Variants in CSAD observed in about 807,000 individuals in gnomAD.
CSAD encodes cysteine sulfinic acid decarboxylase, also known as P-selectin cytoplasmic tail-associated protein.
In CSAD, 47 loss-of-function variants were observed where a neutral mutation model predicts 61.5. That is an observed-to-expected ratio of 0.76 (90% CI 0.60 to 0.97). CSAD has a LOEUF of 0.97. Among genes scored for constraint, CSAD ranks in the 50% least tolerant of loss-of-function variants. The pLI is 0.00. For synonymous variants in CSAD, 245 were observed against 252.7 expected (o/e 0.97, Z 0.29); for missense variants, 611 against 643.6 (o/e 0.95, Z 0.55).
At chr12:53,180,980 G>T, upstream of CSAD, 1 of 772,952 alleles carries the variant, frequency 1.3e-6, no homozygotes, top group Non-Finnish European at 1.6e-6. Flanking sequence ...CTCCGGGGGA[G>T]GGAGGGGAAA....
chr12:53,160,671 T>A, intron 13 of CSAD, 92 bp downstream of exon 13: 1 of 1,124,438 alleles, frequency 8.9e-7, no homozygotes, highest in Non-Finnish European at 1.3e-6. Flanking sequence ...GTAAAGAGAA[T>A]AGAGAAAGGC....
chr12:53,181,207 C>T, upstream of CSAD: 1 of 985,450 alleles, frequency 1.0e-6, no homozygotes, highest in Non-Finnish European at 1.2e-6. Context: ...TCCTCCACCT[C>T]CGCAGCAAGT....
intron 9 of CSAD, 141 bp from the exon 10 acceptor site, chr12:53,170,267 G>T: frequency 1.0e-6 from 1 of 978,096 alleles, no homozygotes; most frequent in Non-Finnish European, 1.6e-6. Flanking sequence ...GGTGGGAGAC[G>T]CTGGCAGGCT....
In CSAD at chr12:53,174,881, C is replaced by G. The variant is rs80306798; in HGVS notation, c.-49-1111G>C. 2.6e-4 allele frequency among the ~76,000 whole-genome samples: 39 copies of G among 152,270 alleles called. No homozygotes were observed. In the East Asian group the frequency reaches 6.6e-3, roughly 26 times the overall value. On this transcript the variant is annotated intron_variant, in intron 2 of 16. Coordinates refer to ENST00000444623, the MANE Select transcript of CSAD (RefSeq NM_001244705.2). ...GGCTCAAGGAATGTCCCTTGCACAT[C>G]ATGTGGTTTCCCAACTCCTCAATCC...
intron 2 of CSAD, chr12:53,178,299 C>A: frequency 2.2e-6 from 1 of 450,592 alleles, no homozygotes; most frequent in East Asian, 7.0e-5. Context: ...ATGGCAAAAC[C>A]CTGTCTCTAC....
chr12:53,171,827 G>C lies in CSAD; in HGVS notation c.451+55C>G, dbSNP rs776854374. ...CAGACACTAGAGCAAGAGAACGGTG[G>C]GGGAGGAGGAACTCATAAAAAGGGC... On this transcript the variant is annotated intron_variant, in intron 7 of 16. Transcript: ENST00000444623. The C allele has an allele frequency of 4.4e-6, 5 of 1,129,860 alleles. No individual in the cohort carries two copies. The East Asian group carries it at 7.1e-5, about 16-fold the overall frequency. 70.0% of individuals were successfully genotyped at this position (1,129,860 alleles called of 1,614,324 possible). A position where few individuals can be genotyped will look rare whatever the true frequency, so the allele number is the denominator to read the frequency against.
chr12:53,161,698 A>G (rs1939299745), intron 10 of CSAD, among the ~76,000 whole-genome samples: 1 of 152,188 alleles, frequency 6.6e-6, no homozygotes, highest in Non-Finnish European at 1.5e-5. Context: ...AGTGGCTCAC[A>G]CCTATAATCT....
At chr12:53,173,856 T>C (rs2121514944) in intron 2 of CSAD, 86 bp from the exon 3 acceptor site, 1 of 1,367,762 alleles carries the variant, frequency 7.3e-7, no homozygotes, top group Admixed American at 2.0e-5. Flanking sequence ...ACAAAGTTGT[T>C]GCAACCATCA....
chr12:53,166,855 G>A (rs1940003314), intron 10 of CSAD, among the ~76,000 whole-genome samples: 1 of 152,110 alleles, frequency 6.6e-6, no homozygotes, highest in African/African-American at 2.4e-5. Flanking sequence ...GAGACTGGTT[G>A]CAAAACAATG....
intron 10 of CSAD, among the ~76,000 whole-genome samples, chr12:53,167,937 G>C (rs1940114253): frequency 6.6e-6 from 1 of 152,164 alleles, no homozygotes; most frequent in Non-Finnish European, 1.5e-5. Context: ...AATGTTCATA[G>C]CAGCATTATG....
At chr12:53,159,764 T>C in intron 15 of CSAD, 52 bp from the exon 16 acceptor site, 1 of 1,539,824 alleles carries the variant, frequency 6.5e-7, no homozygotes, top group Non-Finnish European at 8.9e-7. Flanking sequence ...GGGACCGTTT[T>C]CCCTCTCCCT....
chr12:53,179,939 T>C, intron 1 of CSAD: 2 of 1,586,090 alleles, frequency 1.3e-6, no homozygotes, highest in Non-Finnish European at 1.7e-6. Context: ...GAGCCAGGAC[T>C]CCCATAAGAC....
chr12:53,178,085 A>C (rs1220137800), intron 2 of CSAD, among the ~76,000 whole-genome samples: 3 of 152,268 alleles, frequency 2.0e-5, no homozygotes, highest in African/African-American at 4.8e-5. Flanking sequence ...AACATTGCCA[A>C]AGTTGTAGGA....
intron 14 of CSAD, 37 bp from the exon 15 acceptor site, chr12:53,159,975 A>G (rs1378153921): frequency 7.5e-6 from 12 of 1,602,064 alleles, no homozygotes; most frequent in East Asian, 6.7e-5. Context: ...GGCGGGGAGG[A>G]AAAGCAGAGA....
intron 3 of CSAD, 103 bp from the exon 4 acceptor site, chr12:53,173,579 A>AG: frequency 6.3e-7 from 1 of 1,596,158 alleles, no homozygotes; most frequent in Non-Finnish European, 8.6e-7. Context: ...CAAACCCTGC[A>AG]GCTCAGTCTC....
At chr12:53,170,295 C>G (rs775875607) in intron 9 of CSAD, 128 bp downstream of exon 9, 27 of 993,698 alleles carry the variant, frequency 2.7e-5, no homozygotes, top group Admixed American at 5.8e-5. Context: ...ACAGGAACAG[C>G]AATTCTACTG....
chr12:53,169,802 A>G (rs552993000), intron 10 of CSAD, among the ~76,000 whole-genome samples: 1 of 152,056 alleles, frequency 6.6e-6, no homozygotes, highest in African/African-American at 2.4e-5. Context: ...ACTACAGCGC[A>G]GGCCCCCAGC....
At chr12:53,160,092 G>A (rs370729545) in intron 14 of CSAD, 28 bp downstream of exon 14, 7 of 1,611,468 alleles carry the variant, frequency 4.3e-6, no homozygotes, top group Non-Finnish European at 5.9e-6. Context: ...AGGGGAACAG[G>A]GACGACCCCC....
rs1371020426 is a variant in CSAD at position 53,180,791 on chromosome 12, G to A, written c.-150C>T. Reference sequence around the variant, plus strand: ...TTGGCAGGGTGTGCTGGGGCCTGGAGGAGGCGCCGCGCGGCCAGGGAGCCA... The same window carrying A: ...TTGGCAGGGTGTGCTGGGGCCTGGAAGAGGCGCCGCGCGGCCAGGGAGCCA... On this transcript the variant is annotated 5_prime_UTR_variant, in exon 1 of 17. Transcript: ENST00000444623. 2.4e-6 allele frequency: 3 copies of A among 1,273,122 alleles called. No individual in the cohort carries two copies. The highest frequency in any genetic ancestry group is 3.2e-5 in the African/African-American group (2 of 63,470). The allele number at this position is 1,273,122 out of a possible 1,614,324, so 78.9% of individuals were successfully genotyped here.
Sources: gnomAD v4.1 joint callset for allele counts (sites outside exome capture counted in the v4.1 genomes callset) on GRCh38, gnomAD v4.1.1 for gene constraint, MANE v1.5 for transcripts, NCBI Gene and HGNC (gene_info 2026-07-23, HGNC 2026-07-21) for gene names.